RADIL: variants seen among roughly 807,000 people sequenced by gnomAD.
RADIL encodes the protein ras-associating and dilute domain-containing protein.
A neutral mutation model predicts 97.6 loss-of-function variants in RADIL; 99 were observed. The ratio of observed to expected loss-of-function variants is 1.01; its 90% CI spans 0.86 to 1.20. RADIL has a LOEUF of 1.20. RADIL is among the 50% of genes most tolerant of loss of function. RADIL has a pLI of 0.00. For missense variants in RADIL, 1,765 were observed against 1,498.9 expected (o/e 1.18, Z -2.93); for synonymous variants, 803 against 691.8 (o/e 1.16, Z -2.52).
intron 2 of RADIL, among the ~76,000 whole-genome samples, chr7:4,845,405 A>C (rs1468467006): frequency 5.3e-5 from 8 of 152,190 alleles, no homozygotes; most frequent in Non-Finnish European, 1.0e-4. Flanking sequence ...GTGACAGAGC[A>C]AGACCTCATC....
chr7:4,851,442 C>T (rs1783706672), intron 2 of RADIL, among the ~76,000 whole-genome samples: 1 of 152,176 alleles, frequency 6.6e-6, no homozygotes, highest in South Asian at 2.1e-4. Flanking sequence ...TTTCCTAAAT[C>T]ACCTCAGAGA....
chr7:4,816,180 TC>T (rs754171284), intron 8 of RADIL, 47 bp downstream of exon 8: 1 of 1,551,284 alleles, frequency 6.4e-7, no homozygotes, highest in Non-Finnish European at 8.8e-7. Context: ...AGCCGTCATG[TC>T]CAGGAATGTG....
chr7:4,827,579 T>C (rs1304988161), intron 5 of RADIL, among the ~76,000 whole-genome samples: 1 of 152,096 alleles, frequency 6.6e-6, no homozygotes, highest in Non-Finnish European at 1.5e-5. Context: ...GAGAATGGCG[T>C]GAACCCAGGA....
rs935481244 is a variant in RADIL, at chr7:4,814,670, C to T, written c.2139+608G>A. ...CTGGCGGTCACGGCCACACAGTGCA[C>T]TCTCACAGCTCCGCGGCTCCACAGC... On this transcript the variant is annotated intron_variant, in intron 9 of 14. Coordinates refer to ENST00000399583, the MANE Select transcript of RADIL (RefSeq NM_018059.5). This position sits in a 1 kb window ranked among gnomAD's most constrained non-coding sequence, Gnocchi z 4.5. Among the ~76,000 whole-genome samples, 2 of 152,186 alleles carry T rather than the reference C, an allele frequency of 1.3e-5. No individual in the cohort carries two copies. Among genetic ancestry groups the T allele is most frequent in the Non-Finnish European group, 2.9e-5 (2 of 68,032 alleles).
Position 4,815,355 on chromosome 7 carries a change from C to T in RADIL, c.2062G>A (p.Ala688Thr). The change falls in exon 9 of 15, where the codon GCG becomes ACG. Residue 688 changes from alanine (A) to threonine (T), a missense_variant. Transcript: ENST00000399583. This position sits in a 1 kb window ranked among gnomAD's most constrained non-coding sequence, Gnocchi z 8.0. ...LEWMRSAGFG[A>T]AGEHFFQKLS... ...TTCTGGAAGAAGTGCTCTCCAGCCG[C>T]CCCGAAGCCGGCGCTCCGCATCCAC... The T allele has an allele frequency of 6.4e-7, 1 of 1,558,512 alleles. No individual in the cohort carries two copies. The highest frequency in any genetic ancestry group is 8.7e-7 in the Non-Finnish European group (1 of 1,152,226).
chr7:4,820,288 G>A (rs1014507001), intron 6 of RADIL, among the ~76,000 whole-genome samples: 3 of 152,226 alleles, frequency 2.0e-5, no homozygotes, highest in Admixed American at 6.5e-5. Context: ...AGGGAGAGGC[G>A]ACGGGCGCTG....
At chr7:4,799,822 G>T (rs1386751924) in intron 13 of RADIL, 53 bp from the exon 14 acceptor site, 2 of 1,450,192 alleles carry the variant, frequency 1.4e-6, no homozygotes, top group East Asian at 5.0e-5. Flanking sequence ...GCTGTCCCCA[G>T]CGAGGACCAC....
chr7:4,805,481 T>G, intron 10 of RADIL, 85 bp downstream of exon 10: 2 of 1,441,302 alleles, frequency 1.4e-6, no homozygotes, highest in South Asian at 1.5e-5. Flanking sequence ...CCCACTTCAG[T>G]TGGGATGAGA....
intron 13 of RADIL, 109 bp downstream of exon 13, chr7:4,800,062 G>T: frequency 7.1e-7 from 1 of 1,411,268 alleles, no homozygotes; most frequent in Non-Finnish European, 9.4e-7. Flanking sequence ...TCTCCTCCCC[G>T]AAGGCCTTCC....
chr7:4,812,610 C>T (rs533634173), intron 9 of RADIL, among the ~76,000 whole-genome samples: 71 of 152,006 alleles, frequency 4.7e-4, no homozygotes, highest in Non-Finnish European at 7.9e-4. Context: ...TTAGTTGAGA[C>T]GGGGTATTGC....
rs1431715019 is a variant in RADIL, at chr7:4,815,258, C to T, written c.2139+20G>A. 6.6e-7 allele frequency: 1 copy of T among 1,521,802 alleles called. No homozygotes were observed. 94.3% of individuals were successfully genotyped at this position (1,521,802 alleles called of 1,614,324 possible). On this transcript the variant is annotated intron_variant, in intron 9 of 14. Transcript: ENST00000399583. The surrounding 1 kb of genome is among the most constrained non-coding windows in gnomAD (Gnocchi z 8.0). ...GCCCCGCCCCTCCCCACACTCGCCGCCTCCCATGCGCACCCCTACCTGGAT... is the reference window on the plus strand; with the variant it reads ...GCCCCGCCCCTCCCCACACTCGCCGTCTCCCATGCGCACCCCTACCTGGAT...
chr7:4,847,638 C>T (rs966879770), intron 2 of RADIL, among the ~76,000 whole-genome samples: 21 of 147,410 alleles, frequency 1.4e-4, no homozygotes, highest in African/African-American at 2.8e-4. Flanking sequence ...TCTATCCATA[C>T]GATAGGCTAC....
At chr7:4,825,890 A>G (rs926983772) in intron 5 of RADIL, among the ~76,000 whole-genome samples, 5 of 114,322 alleles carry the variant, frequency 4.4e-5, no homozygotes, top group African/African-American at 7.6e-5. Context: ...TCAGAAAAAA[A>G]AAAAAAAAAA....
chr7:4,844,936 G>A (rs1233322587), intron 2 of RADIL, among the ~76,000 whole-genome samples: 1 of 151,948 alleles, frequency 6.6e-6, no homozygotes, highest in Non-Finnish European at 1.5e-5. Flanking sequence ...AGCAAATCAT[G>A]TTGGATTCAT....
At chr7:4,808,893 C>A in intron 9 of RADIL, 2 of 896,344 alleles carry the variant, frequency 2.2e-6, no homozygotes, top group South Asian at 5.6e-5. Flanking sequence ...CCACTGCCCC[C>A]CGTTCCGACG....
intron 2 of RADIL, among the ~76,000 whole-genome samples, chr7:4,855,216 G>A (rs544437054): frequency 7.9e-4 from 120 of 152,238 alleles, no homozygotes; most frequent in African/African-American, 2.7e-3. Flanking sequence ...ACTACAAAAC[G>A]TTGACATAAA....
rs372809547 is a variant in RADIL, at chr7:4,878,126, G to A, written c.14C>T (p.Thr5Met). ...GGTGGGCGGGGACATGATGAAGTGCGTCCCATAAAACATGGTGGGTGAGGC... is the reference window on the plus strand; with the variant it reads ...GGTGGGCGGGGACATGATGAAGTGCATCCCATAAAACATGGTGGGTGAGGC... Reference protein sequence around the residue: MFYGTHFIMSPPTKS... With the variant: MFYGMHFIMSPPTKS... Residue 5 changes from threonine to methionine, a missense_variant, in exon 2 of 15, where the codon ACG becomes ATG. Transcript: ENST00000399583. The surrounding 1 kb of genome is among the most constrained non-coding windows in gnomAD (Gnocchi z 4.1). 2.9e-5 allele frequency: 45 copies of A among 1,559,292 alleles called. No homozygotes were observed. In the African/African-American group the frequency reaches 3.0e-4, roughly 10 times the overall value.
intron 5 of RADIL, among the ~76,000 whole-genome samples, chr7:4,830,329 C>T (rs11763704): frequency 0.038 from 5,743 of 152,256 alleles, 164 homozygotes; most frequent in South Asian, 0.15. Context: ...CTAGGGCCCA[C>T]TCGAGAGTGG....
In RADIL at chr7:4,860,874, G is replaced by A. The variant is rs1304491447; in HGVS notation, c.535+16731C>T. ...TATGCTGGTGTGATGATAGGCATAA[G>A]ATGGTACCTATCACTGGGATTTACT... On this transcript the variant is annotated intron_variant, in intron 2 of 14. Coordinates refer to ENST00000399583, the MANE Select transcript of RADIL (RefSeq NM_018059.5). 3 of 1,613,726 alleles carry A rather than the reference G, an allele frequency of 1.9e-6. No homozygotes were observed. The Admixed American group carries it at 5.0e-5, about 27-fold the overall frequency.
Sources: gnomAD v4.1 joint callset for allele counts (sites outside exome capture counted in the v4.1 genomes callset) on GRCh38, gnomAD v4.1.1 for gene constraint, Gnocchi (gnomAD v3.1) non-coding constraint, MANE v1.5 for transcripts, NCBI Gene and HGNC (gene_info 2026-07-23, HGNC 2026-07-21) for gene names.